The following SIL1 variants were observed in gnomAD, a reference collection of about 807,000 sequenced individuals.
SIL1 encodes the protein nucleotide exchange factor SIL1.
In SIL1, 40 loss-of-function variants were observed where a neutral mutation model predicts 49.1. The ratio of observed to expected loss-of-function variants is 0.81; its 90% CI spans 0.63 to 1.06. The LOEUF (loss-of-function observed/expected upper bound fraction) is 1.06. Among genes scored for constraint, SIL1 ranks in the 50% least tolerant of loss-of-function variants. The probability of loss-of-function intolerance (pLI) is 0.00; values close to 1 mark genes in which losing one functional copy is unlikely to be tolerated. For synonymous variants in SIL1, 253 were observed against 250.8 expected (o/e 1.01, Z -0.08); for missense variants, 500 against 572.6 (o/e 0.87, Z 1.29).
At chr5:139,082,790 G>A (rs192758713) in intron 3 of SIL1, among the ~76,000 whole-genome samples, 11 of 152,300 alleles carry the variant, frequency 7.2e-5, no homozygotes, top group African/African-American at 1.4e-4. Context: ...AGGAACACAC[G>A]TGAAACTTCC....
At chr5:139,096,795 C>A (rs1395492957) in intron 3 of SIL1, among the ~76,000 whole-genome samples, 1 of 151,930 alleles carries the variant, frequency 6.6e-6, no homozygotes, top group East Asian at 1.9e-4. Context: ...CCCTGAATAA[C>A]CAGCAATGAT....
chr5:139,098,809 CTTTTTT>C (rs59863544), intron 3 of SIL1, among the ~76,000 whole-genome samples: 9,510 of 88,950 alleles, frequency 0.11, 320 homozygotes, highest in Non-Finnish European at 0.12. Flanking sequence ...TTTTCTTACT[CTTTTTT>C]TTTTTTTTTT....
intron 1 of SIL1, chr5:139,137,259 C>A: frequency 1.4e-6 from 1 of 699,858 alleles, no homozygotes. Flanking sequence ...CACGACAACC[C>A]TCTGAGGTGG....
chr5:139,008,731 T>G (rs1479099143), intron 7 of SIL1, among the ~76,000 whole-genome samples: 1 of 151,330 alleles, frequency 6.6e-6, no homozygotes, highest in Non-Finnish European at 1.5e-5. Context: ...CCAGTAGTCA[T>G]TCAGGAGCAG....
At chr5:139,096,409 C>T (rs1770468154) in intron 3 of SIL1, among the ~76,000 whole-genome samples, 1 of 152,060 alleles carries the variant, frequency 6.6e-6, no homozygotes, top group Non-Finnish European at 1.5e-5. Flanking sequence ...GAACTGGAAC[C>T]AGAGACAGTA....
chr5:138,951,147 G>A, intron 9 of SIL1, 24 bp downstream of exon 9: 1 of 1,608,920 alleles, frequency 6.2e-7, no homozygotes, highest in Non-Finnish European at 8.5e-7. Context: ...AACAAGAGGA[G>A]ACTGGGTGGG....
intron 5 of SIL1, among the ~76,000 whole-genome samples, chr5:139,039,246 C>G (rs1271646989): frequency 6.6e-6 from 1 of 152,140 alleles, no homozygotes; most frequent in Admixed American, 6.5e-5. Context: ...GAGTTCAGGC[C>G]GTCCACTTGG....
intron 7 of SIL1, among the ~76,000 whole-genome samples, chr5:139,000,888 A>G (rs1400689903): frequency 1.3e-5 from 2 of 151,916 alleles, no homozygotes; most frequent in African/African-American, 2.4e-5. Context: ...ATATATAATT[A>G]CCCAGATTAT....
chr5:138,983,109 G>T (rs1046342417), intron 7 of SIL1, among the ~76,000 whole-genome samples: 1 of 137,676 alleles, frequency 7.3e-6, no homozygotes, highest in Non-Finnish European at 1.5e-5. Flanking sequence ...TGAGGCACGA[G>T]AATCACTTGA....
chr5:139,190,730 T>C (rs1190046942), intron 1 of SIL1, among the ~76,000 whole-genome samples: 1 of 152,160 alleles, frequency 6.6e-6, no homozygotes, highest in East Asian at 1.9e-4. Flanking sequence ...GAACTAGAAG[T>C]GTATCTCCTG....
intron 1 of SIL1, among the ~76,000 whole-genome samples, chr5:139,168,957 C>CAAA (rs1241500802): frequency 1.1e-4 from 11 of 98,988 alleles, no homozygotes; most frequent in Admixed American, 1.1e-4. Context: ...GACCCTGTCT[C>CAAA]AAAAAAAAAA....
intron 5 of SIL1, among the ~76,000 whole-genome samples, chr5:139,038,086 C>T (rs1213394630): frequency 2.0e-5 from 3 of 152,162 alleles, no homozygotes; most frequent in Non-Finnish European, 4.4e-5. Context: ...TTGAGCCTAA[C>T]CCTCATGACC....
chr5:139,129,872 T>C (rs1170090383), intron 1 of SIL1, among the ~76,000 whole-genome samples: 1 of 152,180 alleles, frequency 6.6e-6, no homozygotes, highest in African/African-American at 2.4e-5. Flanking sequence ...GAAAAATAGA[T>C]ATATTGGACT....
intron 3 of SIL1, among the ~76,000 whole-genome samples, chr5:139,068,431 A>G (rs1025615570): frequency 6.6e-6 from 1 of 152,180 alleles, no homozygotes; most frequent in Non-Finnish European, 1.5e-5. Flanking sequence ...AAAATTAACC[A>G]GTGCTCCCTA....
chr5:139,000,253 G>C (rs181413083), intron 7 of SIL1, among the ~76,000 whole-genome samples: 1 of 152,144 alleles, frequency 6.6e-6, no homozygotes, highest in Admixed American at 6.5e-5. Context: ...TTCTGGTAAT[G>C]TGACATATCA....
chr5:139,122,855 T>C (rs1750674351), intron 2 of SIL1, among the ~76,000 whole-genome samples: 1 of 152,252 alleles, frequency 6.6e-6, no homozygotes, highest in Non-Finnish European at 1.5e-5. Flanking sequence ...ACCTGGGAGA[T>C]GTAATATGCA....
At chr5:139,048,369 GTTTTTTTTT>G (rs35482601) in intron 4 of SIL1, among the ~76,000 whole-genome samples, 40 of 87,780 alleles carry the variant, frequency 4.6e-4, no homozygotes, top group African/African-American at 1.8e-3. Flanking sequence ...TTTGTTGTTG[GTTTTTTTTT>G]TTTTTTTTTT....
intron 3 of SIL1, among the ~76,000 whole-genome samples, chr5:139,065,147 A>G (rs1432672162): frequency 6.6e-6 from 1 of 152,192 alleles, no homozygotes; most frequent in Non-Finnish European, 1.5e-5. Context: ...TAAGGCTGCA[A>G]AAAATTCAGT....
intron 7 of SIL1, among the ~76,000 whole-genome samples, chr5:138,965,278 T>C (rs747105907): frequency 2.0e-4 from 31 of 152,150 alleles, no homozygotes; most frequent in Non-Finnish European, 4.0e-4. Context: ...TGTGGTAGGT[T>C]TGTGGGGTGC....
Sources: gnomAD v4.1 joint callset for allele counts (sites outside exome capture counted in the v4.1 genomes callset) on GRCh38, gnomAD v4.1.1 for gene constraint, MANE v1.5 for transcripts, NCBI Gene and HGNC (gene_info 2026-07-23, HGNC 2026-07-21) for gene names.